The following LRBA variants were observed in gnomAD, a reference collection of about 807,000 sequenced individuals.
LRBA encodes the protein LPS responsive beige-like anchor protein.
In LRBA, 176 loss-of-function variants were observed where a neutral mutation model predicts 330.0. The ratio of observed to expected loss-of-function variants is 0.53; its 90% CI spans 0.47 to 0.60. The LOEUF (loss-of-function observed/expected upper bound fraction) is 0.60. LRBA is among the 20% of genes least tolerant of loss of function. The pLI is 0.00. For missense variants in LRBA, 3,259 were observed against 3,444.8 expected (o/e 0.95, Z 1.35); for synonymous variants, 1,230 against 1,193.0 (o/e 1.03, Z -0.64).
chr4:150,544,169 C>T (rs368625062), intron 40 of LRBA, among the ~76,000 whole-genome samples: 12 of 151,946 alleles, frequency 7.9e-5, no homozygotes, highest in African/African-American at 2.9e-4. Flanking sequence ...AATCTGTTGC[C>T]CAGACTGGAG....
At chr4:150,985,787 C>T (rs919555853) in intron 2 of LRBA, among the ~76,000 whole-genome samples, 2 of 151,992 alleles carry the variant, frequency 1.3e-5, no homozygotes, top group African/African-American at 2.4e-5. Context: ...CGTGAGCCAC[C>T]GCGCCCAGTT....
At chr4:150,533,987 A>G (rs1015550623) in intron 40 of LRBA, among the ~76,000 whole-genome samples, 6 of 152,106 alleles carry the variant, frequency 3.9e-5, no homozygotes, top group African/African-American at 1.4e-4. Flanking sequence ...ACAGACCCAC[A>G]TCAAGTATCT....
chr4:150,590,641 C>A, intron 39 of LRBA, 72 bp downstream of exon 39: 1 of 1,410,768 alleles, frequency 7.1e-7, no homozygotes, highest in East Asian at 2.3e-5. Flanking sequence ...GTGGTCACAG[C>A]TGAAAAAGTA....
At chr4:150,584,119 G>T in intron 40 of LRBA, 1 of 1,512,710 alleles carries the variant, frequency 6.6e-7, no homozygotes, top group South Asian at 1.4e-5. Context: ...GGGTGCTGGG[G>T]ACTGCTTGAA....
chr4:150,597,015 TTTG>T (rs1394650488), intron 38 of LRBA: 2 of 787,886 alleles, frequency 2.5e-6, no homozygotes, highest in Non-Finnish European at 4.1e-6. Context: ...AAACGCAAGT[TTTG>T]TTTTTAACAT....
At chr4:150,399,930 C>T (rs981622626) in intron 47 of LRBA, among the ~76,000 whole-genome samples, 4 of 152,132 alleles carry the variant, frequency 2.6e-5, no homozygotes, top group Non-Finnish European at 5.9e-5. Flanking sequence ...GGGCGGAGAT[C>T]GCACCACTGC....
At chr4:150,535,505 T>G (rs1764559024) in intron 40 of LRBA, among the ~76,000 whole-genome samples, 1 of 152,188 alleles carries the variant, frequency 6.6e-6, no homozygotes, top group South Asian at 2.1e-4. Context: ...TCTTTCTATA[T>G]TTACACAAAT....
intron 56 of LRBA, among the ~76,000 whole-genome samples, chr4:150,274,520 TG>T (rs1478624516): frequency 1.3e-5 from 2 of 152,066 alleles, no homozygotes; most frequent in African/African-American, 4.8e-5. Flanking sequence ...CTGGTTTTTT[TG>T]AAATGATCAA....
chr4:150,470,435 CT>C (rs1755957101), intron 43 of LRBA, among the ~76,000 whole-genome samples: 1 of 152,048 alleles, frequency 6.6e-6, no homozygotes, highest in Non-Finnish European at 1.5e-5. Flanking sequence ...GAGAATTTCC[CT>C]GTCTTATCTC....
intron 44 of LRBA, among the ~76,000 whole-genome samples, chr4:150,450,353 T>C (rs966057389): frequency 6.6e-6 from 1 of 152,156 alleles, no homozygotes; most frequent in Non-Finnish European, 1.5e-5. Context: ...AGGCTAGAAA[T>C]CTGAAATCAA....
intron 40 of LRBA, among the ~76,000 whole-genome samples, chr4:150,563,729 A>G (rs1439149901): frequency 1.3e-5 from 2 of 152,170 alleles, no homozygotes; most frequent in African/African-American, 2.4e-5. Context: ...AAGAATTCCT[A>G]TATACCAATA....
chr4:150,811,660 G>A (rs763070716), intron 31 of LRBA, among the ~76,000 whole-genome samples: 2 of 151,966 alleles, frequency 1.3e-5, no homozygotes, highest in African/African-American at 4.8e-5. Flanking sequence ...GTACCACCAC[G>A]TTCAGCTAAT....
At chr4:150,869,210 C>A (rs910741527) in intron 20 of LRBA, among the ~76,000 whole-genome samples, 1 of 151,978 alleles carries the variant, frequency 6.6e-6, no homozygotes, top group Non-Finnish European at 1.5e-5. Context: ...TGAGCCACCA[C>A]GGCCGGCCTA....
chr4:150,748,091 A>G (rs1732997834), intron 35 of LRBA, among the ~76,000 whole-genome samples: 1 of 152,220 alleles, frequency 6.6e-6, no homozygotes, highest in East Asian at 1.9e-4. Context: ...CTCAAACTCA[A>G]GAAATAATCT....
chr4:150,792,637 C>G (rs1740126749), intron 34 of LRBA, among the ~76,000 whole-genome samples: 1 of 152,168 alleles, frequency 6.6e-6, no homozygotes, highest in Admixed American at 6.5e-5. Flanking sequence ...TCCAGAGTAG[C>G]TAGGTCTACA....
chr4:150,683,954 C>A (rs887228249), intron 36 of LRBA: 1 of 393,952 alleles, frequency 2.5e-6, no homozygotes, highest in African/African-American at 2.1e-5. Flanking sequence ...CAAGTAGAGA[C>A]CTGAACAATG....
chr4:150,325,630 T>C (rs1733140776), intron 49 of LRBA, among the ~76,000 whole-genome samples, 179 bp downstream of exon 49: 1 of 152,090 alleles, frequency 6.6e-6, no homozygotes, highest in Non-Finnish European at 1.5e-5. Flanking sequence ...ATTTACCTTC[T>C]CAAAGATTCC....
chr4:150,374,160 G>A (rs767720448), intron 47 of LRBA, among the ~76,000 whole-genome samples: 1 of 152,136 alleles, frequency 6.6e-6, no homozygotes, highest in Admixed American at 6.5e-5. Context: ...TTTTATGTAC[G>A]GATGAAACGT....
At chr4:150,726,178 C>G (rs1582159751) in intron 36 of LRBA, among the ~76,000 whole-genome samples, 1 of 152,248 alleles carries the variant, frequency 6.6e-6, no homozygotes, top group African/African-American at 2.4e-5. Flanking sequence ...ATGGACTAAA[C>G]TCTCCAATCA....
Sources: allele counts gnomAD v4.1 joint callset (sites outside exome capture counted in the v4.1 genomes callset), GRCh38; gene constraint gnomAD v4.1.1; transcripts MANE v1.5; gene names NCBI Gene and HGNC (gene_info 2026-07-23, HGNC 2026-07-21).